SOX6: variants seen among roughly 807,000 people sequenced by gnomAD.
SOX6 encodes the protein transcription factor SOX-6.
In SOX6, 11 loss-of-function variants were observed where a neutral mutation model predicts 97.8. That is an observed-to-expected ratio of 0.11 (90% CI 0.07 to 0.19). The LOEUF is 0.19. Ranked by LOEUF, SOX6 falls within the 10% of genes least tolerant of loss-of-function variation. SOX6 has a pLI of 1.00. For synonymous variants in SOX6, 360 were observed against 371.4 expected, an observed-to-expected ratio of 0.97 and a Z score of 0.35; for missense variants, 810 against 1,039.5, an observed-to-expected ratio of 0.78 and a Z score of 3.04.
intron 6 of SOX6, among the ~76,000 whole-genome samples, chr11:16,152,291 C>T (rs981869744): frequency 6.6e-6 from 1 of 152,044 alleles, no homozygotes; most frequent in Non-Finnish European, 1.5e-5. Context: ...AAATGTTTTC[C>T]TTCATTTTCA....
intron 3 of SOX6, among the ~76,000 whole-genome samples, chr11:16,279,053 T>C (rs940795553): frequency 6.6e-6 from 1 of 152,088 alleles, no homozygotes; most frequent in Non-Finnish European, 1.5e-5. Flanking sequence ...AATTTCTGTC[T>C]ACAACGAAAC....
intron 9 of SOX6, among the ~76,000 whole-genome samples, chr11:16,065,341 A>G (rs1000445630): frequency 6.6e-6 from 1 of 152,090 alleles, no homozygotes; most frequent in African/African-American, 2.4e-5. Flanking sequence ...ACTATAAAAT[A>G]CTGATGAAAG....
At chr11:16,534,380 C>T (rs1300593631) in intron 4 of SOX6, among the ~76,000 whole-genome samples, 1 of 152,056 alleles carries the variant, frequency 6.6e-6, no homozygotes, top group Non-Finnish European at 1.5e-5. Context: ...AATAAGATCA[C>T]ATTTTTTTCC....
chr11:16,385,483 G>A (rs1857956458), intron 1 of SOX6, among the ~76,000 whole-genome samples: 1 of 152,050 alleles, frequency 6.6e-6, no homozygotes, highest in African/African-American at 2.4e-5. Context: ...AAATGCTCTT[G>A]AGGTATGCTT....
upstream of SOX6, among the ~76,000 whole-genome samples, chr11:16,359,594 G>T (rs1269826210): frequency 6.6e-6 from 1 of 151,996 alleles, no homozygotes; most frequent in Non-Finnish European, 1.5e-5. Context: ...TTGGTGTTCT[G>T]CTCGACATGT....
intron 5 of SOX6, among the ~76,000 whole-genome samples, chr11:16,184,404 A>G (rs1038360882): frequency 2.6e-5 from 4 of 152,168 alleles, no homozygotes; most frequent in South Asian, 4.1e-4. Context: ...AGATTTTCAG[A>G]ACTGATACAT....
chr11:16,045,595 C>A (rs1317010950), intron 12 of SOX6, among the ~76,000 whole-genome samples: 2 of 152,136 alleles, frequency 1.3e-5, no homozygotes, highest in Non-Finnish European at 2.9e-5. Context: ...CCCAGCCTAT[C>A]ACTTTTACTT....
chr11:16,148,540 G>A (rs1285212801), intron 6 of SOX6, among the ~76,000 whole-genome samples: 5 of 152,028 alleles, frequency 3.3e-5, no homozygotes, highest in Admixed American at 3.3e-4. Flanking sequence ...GGACAAAATG[G>A]GCCATTCATT....
In SOX6 at chr11:16,560,413, ATATACGTACATATGTT is replaced by A. The variant is rs1242706637; in HGVS notation, n.609+51652_609+51667del. ...CATATAAATATGTAAATATATACAT[ATATACGTACATATGTT>A]TATACGTACATATATGTTTATACGT... is the stretch of plus-strand genomic sequence containing the variant. On this transcript the variant is annotated intron_variant and non_coding_transcript_variant, in intron 4 of 5. Coordinates refer to the SOX6 transcript ENST00000524520. Among the ~76,000 whole-genome samples, 555 of 137,628 alleles carry A rather than the reference ATATACGTACATATGTT, an allele frequency of 4.0e-3. 13 individuals carry two copies. Among genetic ancestry groups the A allele is most frequent in the East Asian group, 0.028 (131 of 4,600 alleles). The allele number at this position is 137,628 out of a possible 152,430, so 90.3% of individuals were successfully genotyped here.
At chr11:16,346,535 A>C (rs1325040875) in intron 1 of SOX6, among the ~76,000 whole-genome samples, 1 of 151,980 alleles carries the variant, frequency 6.6e-6, no homozygotes, top group East Asian at 1.9e-4. Context: ...ACTTTATACA[A>C]CACCACCACC....
chr11:16,366,793 A>G (rs1242946624), intron 1 of SOX6, among the ~76,000 whole-genome samples: 1 of 152,182 alleles, frequency 6.6e-6, no homozygotes, highest in African/African-American at 2.4e-5. Flanking sequence ...TTCCATATCT[A>G]ACAGATACTG....
chr11:16,112,908 T>C (rs1022742608), intron 6 of SOX6, among the ~76,000 whole-genome samples: 5 of 152,142 alleles, frequency 3.3e-5, no homozygotes, highest in African/African-American at 7.2e-5. Context: ...AACTAAGATA[T>C]ACCAAAAGAA....
chr11:16,476,875 A>G (rs1860261374), upstream of SOX6, among the ~76,000 whole-genome samples: 2 of 152,222 alleles, frequency 1.3e-5, no homozygotes, highest in African/African-American at 4.8e-5. Context: ...TAGGCTATAT[A>G]CAATGCATTC....
Position 16,077,836 on chromosome 11 carries a change from A to T in SOX6, c.1101+18160T>A, listed in dbSNP as rs745843863. Among the ~76,000 whole-genome samples the T allele has an allele frequency of 8.3e-4, 126 of 152,066 alleles. 2 individuals carry two copies. The highest frequency in any genetic ancestry group is 3.4e-3 in the Middle Eastern group (1 of 294). On this transcript the variant is annotated intron_variant, in intron 9 of 15. Coordinates refer to ENST00000683767, the MANE Select transcript of SOX6 (RefSeq NM_001367873.1). The stretch of plus-strand genomic sequence containing the variant: ...CAGAGAGTAAGAGGAGGAAGAAGAT[A>T]AAAAAAATATCTATCAGGTACTACA...
intron 2 of SOX6, among the ~76,000 whole-genome samples, chr11:16,719,652 A>G: frequency 6.6e-6 from 1 of 152,240 alleles, no homozygotes; most frequent in South Asian, 2.1e-4. Flanking sequence ...GGCCAGGTAC[A>G]GTGGCTCACA....
At chr11:16,466,571 C>A (rs1322542343) in intron 1 of SOX6, among the ~76,000 whole-genome samples, 1 of 151,284 alleles carries the variant, frequency 6.6e-6, no homozygotes, top group African/African-American at 2.4e-5. Context: ...GAAAACTATA[C>A]ATCTGATAAA....
At chr11:16,053,022 G>C (rs1847723359) in intron 10 of SOX6, among the ~76,000 whole-genome samples, 1 of 152,168 alleles carries the variant, frequency 6.6e-6, no homozygotes, top group South Asian at 2.1e-4. Flanking sequence ...GCCTTTTGCA[G>C]ATCTTCAGCA....
intron 1 of SOX6, among the ~76,000 whole-genome samples, chr11:16,389,427 G>T (rs1055921738): frequency 6.6e-6 from 1 of 152,046 alleles, no homozygotes; most frequent in Non-Finnish European, 1.5e-5. Flanking sequence ...TCTATCTTCA[G>T]TTTCACTGTC....
chr11:16,274,963 C>T (rs964336481), intron 3 of SOX6, among the ~76,000 whole-genome samples: 1 of 151,910 alleles, frequency 6.6e-6, no homozygotes, highest in Non-Finnish European at 1.5e-5. Context: ...TTCCCTATTA[C>T]TTCAGAAAAG....
Sources: allele counts gnomAD v4.1 joint callset (sites outside exome capture counted in the v4.1 genomes callset), GRCh38; gene constraint gnomAD v4.1.1; transcripts MANE v1.5; gene names NCBI Gene and HGNC (gene_info 2026-07-23, HGNC 2026-07-21).